The following SFXN5 variants were observed in gnomAD, a reference collection of about 807,000 sequenced individuals.
SFXN5 encodes sideroflexin-5.
SFXN5 carries 43 observed loss-of-function variants against 50.2 expected under a neutral mutation model. The observed-to-expected ratio is 0.86, with a 90% CI of 0.67 to 1.11. The LOEUF (loss-of-function observed/expected upper bound fraction) is 1.11. SFXN5 is among the 50% of genes least tolerant of loss of function. SFXN5 has a pLI of 0.00. For synonymous variants in SFXN5, 203 were observed against 185.8 expected (o/e 1.09, Z -0.75); for missense variants, 463 against 454.1 (o/e 1.02, Z -0.18).
At chr2:72,980,465 C>CA (rs1277598858) in intron 10 of SFXN5, among the ~76,000 whole-genome samples, 1 of 152,150 alleles carries the variant, frequency 6.6e-6, no homozygotes, top group Non-Finnish European at 1.5e-5. Flanking sequence ...CTTGATTTCA[C>CA]AAAAATCCCC....
intron 6 of SFXN5, among the ~76,000 whole-genome samples, chr2:73,003,671 A>G (rs1674225809): frequency 1.3e-5 from 2 of 152,092 alleles, no homozygotes; most frequent in East Asian, 1.9e-4. Context: ...GCTTCATTTT[A>G]TCTTCCCTTC....
intron 10 of SFXN5, among the ~76,000 whole-genome samples, chr2:72,986,800 G>A (rs1671977615): frequency 6.6e-6 from 1 of 152,152 alleles, no homozygotes; most frequent in South Asian, 2.1e-4. Context: ...CATCTATGGT[G>A]AGCTCATAGA....
chr2:72,961,936 A>C lies in SFXN5; in HGVS notation c.828-688T>G, dbSNP rs1235179249. 1.3e-5 allele frequency among the ~76,000 whole-genome samples: 2 copies of C among 152,082 alleles called. No homozygotes were observed. The highest frequency in any genetic ancestry group is 2.9e-5 in the Non-Finnish European group (2 of 67,996). On this transcript the variant is annotated intron_variant, in intron 12 of 13. Transcript: ENST00000272433. The surrounding 1 kb of genome is among the most constrained non-coding windows in gnomAD (Gnocchi z 4.4). The stretch of plus-strand genomic sequence containing the variant: ...GGTCCCCTGTGCCAGCTTCATCACC[A>C]ACACAACACAGCTGGCACCCTCTTC...
intron 10 of SFXN5, among the ~76,000 whole-genome samples, chr2:72,974,487 CAG>C (rs1670387585): frequency 6.6e-6 from 1 of 152,130 alleles, no homozygotes; most frequent in African/African-American, 2.4e-5. Flanking sequence ...GGAAAAAAAA[CAG>C]AGAAAACCCT....
chr2:73,020,180 A>C (rs1456910206), intron 6 of SFXN5, 59 bp downstream of exon 6: 3 of 1,511,460 alleles, frequency 2.0e-6, no homozygotes, highest in Non-Finnish European at 2.7e-6. Flanking sequence ...GCAATAACAT[A>C]AAGTTAGACA....
At chr2:73,040,830 T>A (rs776518530) in intron 3 of SFXN5, 24 bp downstream of exon 3, 15 of 1,591,710 alleles carry the variant, frequency 9.4e-6, no homozygotes, top group Admixed American at 1.8e-5. Flanking sequence ...CCACTGGCCA[T>A]GCTCCCACCT....
At chr2:73,064,814 T>C (rs1313403945) in intron 1 of SFXN5, among the ~76,000 whole-genome samples, 1 of 152,220 alleles carries the variant, frequency 6.6e-6, no homozygotes, top group East Asian at 1.9e-4. Flanking sequence ...TGAGACACAG[T>C]CTCACTTTGT....
At chr2:72,985,064 G>A (rs2105549094) in intron 10 of SFXN5, among the ~76,000 whole-genome samples, 1 of 152,194 alleles carries the variant, frequency 6.6e-6, no homozygotes, top group South Asian at 2.1e-4. Flanking sequence ...CCATCACCCT[G>A]AAGACCCCCT....
At chr2:73,053,838 A>C (rs1681717841) in intron 2 of SFXN5, among the ~76,000 whole-genome samples, 1 of 152,122 alleles carries the variant, frequency 6.6e-6, no homozygotes, top group Non-Finnish European at 1.5e-5. Context: ...GAGCTCATCC[A>C]AATTTCCTCC....
At position 72,997,595 on chromosome 2, in the gene SFXN5, T is replaced by A. The variant is rs960029936; in HGVS notation, c.534+1354A>T. ...TTAAATTTTTTATTATTTATTTATT[T>A]TTTTTTTTTCTGGAGATGGAGTCTC... On this transcript the variant is annotated intron_variant, in intron 9 of 13. Transcript: ENST00000272433. 5.9e-5 allele frequency: 9 copies of A among 151,608 alleles called. No individual in the cohort carries two copies. The East Asian group carries it at 9.7e-4, about 16-fold the overall frequency. The allele number at this position is 151,608 out of a possible 1,614,324, so 9.4% of individuals were successfully genotyped here. A position where few individuals can be genotyped will look rare whatever the true frequency, so the allele number is the denominator to read the frequency against.
intron 6 of SFXN5, among the ~76,000 whole-genome samples, chr2:73,014,293 T>C (rs986510182): frequency 7.2e-5 from 11 of 152,218 alleles, no homozygotes; most frequent in Admixed American, 3.9e-4. Flanking sequence ...TAGCCAGCTG[T>C]CCCAGCACCA....
At chr2:73,025,338 G>A (rs1175757879) in intron 3 of SFXN5, among the ~76,000 whole-genome samples, 2 of 152,138 alleles carry the variant, frequency 1.3e-5, no homozygotes, top group Non-Finnish European at 2.9e-5. Context: ...TGGATTCACA[G>A]TCAGGCCACT....
Position 72,950,716 on chromosome 2 carries a change from T to C in SFXN5, c.946-5617A>G, listed in dbSNP as rs1337343560. On this transcript the variant is annotated intron_variant, in intron 13 of 13. Coordinates refer to ENST00000272433, the MANE Select transcript of SFXN5 (RefSeq NM_144579.3). The surrounding 1 kb of genome is among the most constrained non-coding windows in gnomAD (Gnocchi z 4.2). ...TGCCTGGCAGTGGCCTCTGGACCCA[T>C]GGATAAGTGAAAGTGACTCAGGTCT... 6.6e-6 allele frequency among the ~76,000 whole-genome samples: 1 copy of C among 152,180 alleles called. No homozygotes were observed. The highest frequency in any genetic ancestry group is 1.5e-5 in the Non-Finnish European group (1 of 68,032).
intron 5 of SFXN5, 111 bp downstream of exon 5, chr2:73,022,411 T>C (rs992250880): frequency 4.2e-5 from 34 of 808,736 alleles, no homozygotes; most frequent in African/African-American, 1.7e-5. Flanking sequence ...ATGGCCATGA[T>C]TGTAACAGGC....
intron 3 of SFXN5, among the ~76,000 whole-genome samples, chr2:73,027,636 T>C (rs1677734901): frequency 6.6e-6 from 1 of 152,180 alleles, no homozygotes; most frequent in Non-Finnish European, 1.5e-5. Flanking sequence ...TGGTAAGTGT[T>C]CTATGAAGGT....
intron 6 of SFXN5, among the ~76,000 whole-genome samples, chr2:73,007,710 A>C (rs1270792724): frequency 6.6e-6 from 1 of 152,106 alleles, no homozygotes; most frequent in Non-Finnish European, 1.5e-5. Context: ...GCTCAACTCC[A>C]AAATGTTCCT....
intron 3 of SFXN5, among the ~76,000 whole-genome samples, chr2:73,034,975 TC>T (rs560605884): frequency 9.2e-5 from 14 of 152,174 alleles, no homozygotes; most frequent in Non-Finnish European, 1.5e-4. Flanking sequence ...AAGATGTCTC[TC>T]CCATTAGATC....
intron 9 of SFXN5, among the ~76,000 whole-genome samples, chr2:72,996,107 TGCA>T (rs1673196595): frequency 1.3e-5 from 2 of 152,176 alleles, no homozygotes; most frequent in African/African-American, 4.8e-5. Flanking sequence ...AGGCTCAGAC[TGCA>T]GAACACTAAG....
intron 3 of SFXN5, among the ~76,000 whole-genome samples, chr2:73,039,956 G>A (rs577299622): frequency 7.3e-5 from 11 of 151,262 alleles, no homozygotes; most frequent in Middle Eastern, 3.4e-3. Context: ...GATTACAGGC[G>A]TCCACCACCA....
Sources: gnomAD v4.1 joint callset for allele counts (sites outside exome capture counted in the v4.1 genomes callset) on GRCh38, gnomAD v4.1.1 for gene constraint, Gnocchi (gnomAD v3.1) non-coding constraint, MANE v1.5 for transcripts, NCBI Gene and HGNC (gene_info 2026-07-23, HGNC 2026-07-21) for gene names.